CSGALNACT1: variants seen among roughly 807,000 people sequenced by gnomAD.
CSGALNACT1 encodes the protein chondroitin sulfate N-acetylgalactosaminyltransferase 1, also known as beta4GalNAcT-1.
A neutral mutation model predicts 51.0 loss-of-function variants in CSGALNACT1; 52 were observed. That is an observed-to-expected ratio of 1.02 (90% CI 0.82 to 1.29). The LOEUF is 1.29. Ranked by LOEUF, CSGALNACT1 falls within the 50% of genes most tolerant of loss-of-function variation. The pLI is 0.00. For synonymous variants in CSGALNACT1, 341 were observed against 254.4 expected, an observed-to-expected ratio of 1.34 and a Z score of -3.24; for missense variants, 935 against 679.2, an observed-to-expected ratio of 1.38 and a Z score of -4.19.
intron 6 of CSGALNACT1, among the ~76,000 whole-genome samples, chr8:19,435,079 C>A (rs1319262896): frequency 6.6e-6 from 1 of 152,184 alleles, no homozygotes; most frequent in African/African-American, 2.4e-5. Context: ...GCATCTCAAT[C>A]TCAGAGATGA....
intron 1 of CSGALNACT1, among the ~76,000 whole-genome samples, chr8:19,639,119 A>C (rs1179908556): frequency 3.3e-5 from 5 of 152,150 alleles, no homozygotes; most frequent in African/African-American, 9.7e-5. Context: ...TAGCCCCTCT[A>C]AAAGTACAAA....
At chr8:19,703,926 G>A (rs911536451) in intron 1 of CSGALNACT1, among the ~76,000 whole-genome samples, 1 of 152,100 alleles carries the variant, frequency 6.6e-6, no homozygotes, top group Non-Finnish European at 1.5e-5. Flanking sequence ...TACATAGTAC[G>A]GGTGCATATC....
chr8:19,691,899 CT>C (rs71545565), intron 1 of CSGALNACT1, among the ~76,000 whole-genome samples: 31,002 of 151,998 alleles, frequency 0.2, 3,459 homozygotes, highest in Admixed American at 0.27. Context: ...CGTTTTCACA[CT>C]GCTACAAAGA....
At chr8:19,556,561 T>C (rs571028503) in intron 3 of CSGALNACT1, among the ~76,000 whole-genome samples, 98 of 152,310 alleles carry the variant, frequency 6.4e-4, no homozygotes, top group Non-Finnish European at 1.1e-3. Context: ...CAACCAAGAC[T>C]GCTGACCAAT....
intron 7 of CSGALNACT1, among the ~76,000 whole-genome samples, chr8:19,419,490 T>C (rs2057529588): frequency 6.6e-6 from 1 of 152,214 alleles, no homozygotes; most frequent in South Asian, 2.1e-4. Context: ...AAAGAATTTC[T>C]GTATTTTAGC....
intron 1 of CSGALNACT1, among the ~76,000 whole-genome samples, chr8:19,659,320 A>C (rs2058565723): frequency 6.6e-6 from 1 of 152,202 alleles, no homozygotes; most frequent in Non-Finnish European, 1.5e-5. Context: ...GATTTCAAGC[A>C]ACACTTTCTT....
intron 3 of CSGALNACT1, among the ~76,000 whole-genome samples, chr8:19,586,220 G>A (rs1288765332): frequency 4.6e-5 from 7 of 151,956 alleles, no homozygotes; most frequent in East Asian, 2.0e-4. Context: ...AAAATTATCC[G>A]GGCGTGGTGG....
At chr8:19,529,019 T>A (rs949330483) in intron 3 of CSGALNACT1, among the ~76,000 whole-genome samples, 3 of 152,160 alleles carry the variant, frequency 2.0e-5, no homozygotes, top group African/African-American at 7.2e-5. Context: ...GGGGCTGTCA[T>A]TCACAAAATT....
At chr8:19,443,690 A>C (rs2061678773) in intron 5 of CSGALNACT1, among the ~76,000 whole-genome samples, 2 of 152,244 alleles carry the variant, frequency 1.3e-5, no homozygotes, top group South Asian at 2.1e-4. Context: ...TGCCCTTGAC[A>C]CATGGAGATT....
chr8:19,749,549 A>G (rs938420737), intron 1 of CSGALNACT1, among the ~76,000 whole-genome samples: 8 of 152,102 alleles, frequency 5.3e-5, no homozygotes, highest in Admixed American at 4.6e-4. Flanking sequence ...TACCACACAC[A>G]TCTACCCTGG....
At chr8:19,716,797 A>C (rs1385359451) in intron 1 of CSGALNACT1, among the ~76,000 whole-genome samples, 2 of 151,980 alleles carry the variant, frequency 1.3e-5, no homozygotes, top group African/African-American at 4.8e-5. Context: ...TTCTCAAAAA[A>C]AAAAAATTAA....
intron 8 of CSGALNACT1, among the ~76,000 whole-genome samples, chr8:19,412,388 G>C (rs989454432): frequency 2.6e-5 from 4 of 152,226 alleles, no homozygotes; most frequent in African/African-American, 7.2e-5. Flanking sequence ...TCTCCCCAAA[G>C]ATGTGGGAAG....
chr8:19,723,735 A>G (rs994349978), intron 1 of CSGALNACT1, among the ~76,000 whole-genome samples: 4 of 152,182 alleles, frequency 2.6e-5, no homozygotes, highest in Admixed American at 2.6e-4. Flanking sequence ...GATACATTGC[A>G]CCATTTGATG....
At chr8:19,748,052 C>A (rs866900224) in intron 1 of CSGALNACT1, among the ~76,000 whole-genome samples, 1 of 131,494 alleles carries the variant, frequency 7.6e-6, no homozygotes, top group South Asian at 2.3e-4. Flanking sequence ...CATAAACGTA[C>A]TCAAAAAAAA....
intron 1 of CSGALNACT1, among the ~76,000 whole-genome samples, chr8:19,698,849 G>A (rs770389164): frequency 6.6e-6 from 1 of 152,084 alleles, no homozygotes; most frequent in East Asian, 1.9e-4. Flanking sequence ...ATCTATGGGG[G>A]ACTGGTTCCA....
At position 19,507,855 on chromosome 8, in the gene CSGALNACT1, C is replaced by T. The variant is rs1293846736; in HGVS notation, c.-296-1725G>A. Among the ~76,000 whole-genome samples, 7 of 152,342 alleles carry T rather than the reference C, an allele frequency of 4.6e-5. No individual in the cohort carries two copies. In the East Asian group the frequency reaches 1.4e-3, roughly 29 times the overall value. On this transcript the variant is annotated intron_variant, in intron 3 of 9. Coordinates refer to ENST00000454498, the Ensembl canonical transcript of CSGALNACT1. ...TGTTGGCCAGGATGGTCTCTATCTC[C>T]TGACCTTGTGATCCGCCCGCCTCGG...
chr8:19,497,658 T>A (rs924923806), intron 4 of CSGALNACT1, among the ~76,000 whole-genome samples: 2 of 152,102 alleles, frequency 1.3e-5, no homozygotes, highest in African/African-American at 4.8e-5. Context: ...AAATAAAAAA[T>A]ACAGTAAGAG....
intron 4 of CSGALNACT1, among the ~76,000 whole-genome samples, chr8:19,479,551 T>A (rs2070756840): frequency 6.6e-6 from 1 of 152,220 alleles, no homozygotes; most frequent in South Asian, 2.1e-4. Flanking sequence ...ATATGCTTAT[T>A]ATGTTTTAAC....
intron 1 of CSGALNACT1, among the ~76,000 whole-genome samples, chr8:19,717,359 T>C (rs756321899): frequency 2.6e-5 from 4 of 152,226 alleles, no homozygotes; most frequent in Non-Finnish European, 5.9e-5. Flanking sequence ...TTTCTTCTTA[T>C]GACTGCAGAA....
Sources: allele counts gnomAD v4.1 joint callset (sites outside exome capture counted in the v4.1 genomes callset), GRCh38; gene constraint gnomAD v4.1.1; transcripts MANE v1.5; gene names NCBI Gene and HGNC (gene_info 2026-07-23, HGNC 2026-07-21).